Variants in MAPKAP1 observed in about 807,000 individuals in gnomAD.
The protein encoded by MAPKAP1 is MAPK associated protein 1.
A neutral mutation model predicts 65.7 loss-of-function variants in MAPKAP1; 20 were observed. The observed-to-expected ratio is 0.30, with a 90% CI of 0.21 to 0.44. The LOEUF (loss-of-function observed/expected upper bound fraction) is 0.44, where lower values mean the gene tolerates loss of function less well. Among genes scored for constraint, MAPKAP1 ranks in the 20% least tolerant of loss-of-function variants. The pLI is 1.00. For synonymous variants in MAPKAP1, 222 were observed against 244.3 expected (o/e 0.91, Z 0.85); for missense variants, 423 against 648.0 (o/e 0.65, Z 3.77).
At chr9:125,632,216 C>T (rs1219331809) in intron 4 of MAPKAP1, among the ~76,000 whole-genome samples, 3 of 48,078 alleles carry the variant, frequency 6.2e-5, no homozygotes, top group South Asian at 9.0e-4. Flanking sequence ...AGCAAGACTC[C>T]GTCTCAAAGA....
chr9:125,519,957 C>T (rs1829573742), intron 7 of MAPKAP1, among the ~76,000 whole-genome samples: 1 of 152,056 alleles, frequency 6.6e-6, no homozygotes, highest in South Asian at 2.1e-4. Flanking sequence ...TTGATCCCTG[C>T]CTAAGCTTAA....
chr9:125,706,127 A>G (rs1334311460), intron 1 of MAPKAP1, among the ~76,000 whole-genome samples: 1 of 152,178 alleles, frequency 6.6e-6, no homozygotes, highest in Non-Finnish European at 1.5e-5. Flanking sequence ...TTCCGTGTTT[A>G]CTAGGTACCT....
chr9:125,670,110 G>A (rs910229323), intron 2 of MAPKAP1, among the ~76,000 whole-genome samples: 1 of 151,984 alleles, frequency 6.6e-6, no homozygotes, highest in African/African-American at 2.4e-5. Flanking sequence ...GAAATTAGAG[G>A]ATATAAAACA....
At chr9:125,636,910 TAAG>T in intron 4 of MAPKAP1, among the ~76,000 whole-genome samples, 1 of 152,220 alleles carries the variant, frequency 6.6e-6, no homozygotes, top group East Asian at 1.9e-4. Flanking sequence ...CGTGTCTAGC[TAAG>T]AAGACATACA....
chr9:125,468,150 TAGA>T, intron 9 of MAPKAP1, 41 bp from the exon 10 acceptor site: 1 of 1,602,184 alleles, frequency 6.2e-7, no homozygotes, highest in Admixed American at 1.7e-5. Flanking sequence ...ACACAAGAAG[TAGA>T]AGGTGTAAGT....
intron 10 of MAPKAP1, among the ~76,000 whole-genome samples, chr9:125,457,372 T>A (rs1853222293): frequency 6.6e-6 from 1 of 152,234 alleles, no homozygotes; most frequent in Admixed American, 6.5e-5. Context: ...TAATTTTTCT[T>A]CTTTTTGAGT....
rs1852782083 is a variant in MAPKAP1 at position 125,447,943 on chromosome 9, G to C, written c.1346-3345C>G. Among the ~76,000 whole-genome samples the C allele has an allele frequency of 1.3e-5, 2 of 152,216 alleles. No homozygotes were observed. The highest frequency in any genetic ancestry group is 4.8e-5 in the African/African-American group (2 of 41,438). Reference sequence around the variant, plus strand: ...ATACAGGGTCTCCATGGGAGCTCTGGGCAAACCAGGGTCATGTGTGGCAGG... The same window carrying C: ...ATACAGGGTCTCCATGGGAGCTCTGCGCAAACCAGGGTCATGTGTGGCAGG... On this transcript the variant is annotated intron_variant, in intron 10 of 11. Coordinates refer to ENST00000265960, the MANE Select transcript of MAPKAP1 (RefSeq NM_001006617.3). This position sits in a 1 kb window ranked among gnomAD's most constrained non-coding sequence, Gnocchi z 4.5.
intron 1 of MAPKAP1, among the ~76,000 whole-genome samples, chr9:125,694,339 A>AT (rs996415895): frequency 2.0e-5 from 3 of 152,134 alleles, no homozygotes; most frequent in African/African-American, 7.2e-5. Context: ...AAAAAAAAAA[A>AT]AGTTTTAAGA....
At chr9:125,485,386 GA>G (rs1340515718) in intron 8 of MAPKAP1, among the ~76,000 whole-genome samples, 1 of 152,198 alleles carries the variant, frequency 6.6e-6, no homozygotes, top group Non-Finnish European at 1.5e-5. Context: ...TAAGTACTCT[GA>G]TATGTGACAC....
chr9:125,694,068 C>G (rs912356013), intron 1 of MAPKAP1, among the ~76,000 whole-genome samples: 6 of 151,910 alleles, frequency 3.9e-5, no homozygotes, highest in African/African-American at 1.2e-4. Context: ...GTGGCTCATG[C>G]TTGTAATCCC....
At chr9:125,611,855 A>C (rs1832609413) in intron 4 of MAPKAP1, among the ~76,000 whole-genome samples, 1 of 152,236 alleles carries the variant, frequency 6.6e-6, no homozygotes, top group African/African-American at 2.4e-5. Context: ...CAGTCTATCA[A>C]CAGCAGGAAA....
In MAPKAP1 at chr9:125,541,915, G is replaced by A. The variant is rs139760593; in HGVS notation, c.958+1144C>T. On this transcript the variant is annotated intron_variant, in intron 7 of 11. Coordinates refer to ENST00000265960, the MANE Select transcript of MAPKAP1 (RefSeq NM_001006617.3). ...AGAGAGCTGGTTATCAAACGGCGCAGTCAGCTGGCAAAAGCCGAAACGTGC... is the reference window on the plus strand; with the variant it reads ...AGAGAGCTGGTTATCAAACGGCGCAATCAGCTGGCAAAAGCCGAAACGTGC... 3.5e-4 allele frequency among the ~76,000 whole-genome samples: 53 copies of A among 152,348 alleles called. 1 individual carries two copies. In the East Asian group the frequency reaches 0.01, roughly 29 times the overall value.
intron 1 of MAPKAP1, among the ~76,000 whole-genome samples, chr9:125,698,286 T>TATATATA: frequency 3.9e-5 from 1 of 25,834 alleles, no homozygotes; most frequent in African/African-American, 1.8e-4. Flanking sequence ...ATAATATATA[T>TATATATA]AAATATATAT....
At chr9:125,485,294 G>T (rs180847798) in intron 8 of MAPKAP1, among the ~76,000 whole-genome samples, 1 of 152,092 alleles carries the variant, frequency 6.6e-6, no homozygotes, top group African/African-American at 2.4e-5. Context: ...CAGTCCAGCC[G>T]CCACAGGCTT....
At chr9:125,567,144 A>G (rs1481881619) in intron 5 of MAPKAP1, among the ~76,000 whole-genome samples, 1 of 151,950 alleles carries the variant, frequency 6.6e-6, no homozygotes, top group Non-Finnish European at 1.5e-5. Context: ...GAATCTGTCC[A>G]CTTCTCTCAA....
At chr9:125,669,308 C>T (rs992767954) in intron 3 of MAPKAP1, among the ~76,000 whole-genome samples, 18 of 151,876 alleles carry the variant, frequency 1.2e-4, no homozygotes, top group African/African-American at 4.4e-4. Context: ...TGGTGAAATC[C>T]CATCTCTACT....
intron 5 of MAPKAP1, among the ~76,000 whole-genome samples, chr9:125,579,729 A>G (rs1171786344): frequency 6.6e-6 from 1 of 152,210 alleles, no homozygotes; most frequent in African/African-American, 2.4e-5. Context: ...AAGACCAAAT[A>G]AGGATCTATT....
intron 3 of MAPKAP1, 24 bp from the exon 4 acceptor site, chr9:125,657,823 C>A (rs370420194): frequency 2.6e-4 from 411 of 1,609,026 alleles, no homozygotes; most frequent in South Asian, 5.0e-4. Flanking sequence ...GGAAGAAAAA[C>A]ATCTTTGTGA....
At chr9:125,602,320 C>T (rs1160648420) in intron 4 of MAPKAP1, among the ~76,000 whole-genome samples, 1 of 152,122 alleles carries the variant, frequency 6.6e-6, no homozygotes, top group East Asian at 1.9e-4. Flanking sequence ...TTATCTAGAA[C>T]AGCGCTTCCT....
Sources: gnomAD v4.1 joint callset for allele counts (sites outside exome capture counted in the v4.1 genomes callset) on GRCh38, gnomAD v4.1.1 for gene constraint, Gnocchi (gnomAD v3.1) non-coding constraint, MANE v1.5 for transcripts, NCBI Gene and HGNC (gene_info 2026-07-23, HGNC 2026-07-21) for gene names.